The following CCNH variants were observed in gnomAD, a reference collection of about 807,000 sequenced individuals.
The protein encoded by CCNH is cyclin H.
Under a neutral mutation model 41.9 loss-of-function variants are expected in CCNH, and 31 were observed. The ratio of observed to expected loss-of-function variants is 0.74; its 90% CI spans 0.56 to 1.00. The LOEUF is 1.00. CCNH is among the 50% of genes least tolerant of loss of function. The pLI is 0.00. For synonymous variants in CCNH, 138 were observed against 136.1 expected (o/e 1.01, Z -0.10); for missense variants, 362 against 388.4 (o/e 0.93, Z 0.57).
At chr5:87,358,413 G>A (rs1385140449) in intron 9 of CCNH, among the ~76,000 whole-genome samples, 2 of 152,202 alleles carry the variant, frequency 1.3e-5, no homozygotes, top group African/African-American at 2.4e-5. Flanking sequence ...ACTGAGAGCT[G>A]AGAGGTTAAT....
chr5:87,400,584 G>A (rs904586657), intron 6 of CCNH, among the ~76,000 whole-genome samples: 1 of 151,782 alleles, frequency 6.6e-6, no homozygotes, highest in African/African-American at 2.4e-5. Flanking sequence ...ATTCTCAAAG[G>A]AAGCCCTCAG....
At chr5:87,404,756 G>C in intron 5 of CCNH, 88 bp downstream of exon 5, 1 of 1,052,318 alleles carries the variant, frequency 9.5e-7, no homozygotes, top group East Asian at 2.8e-5. Flanking sequence ...CAGCCACAAA[G>C]AATATTAAAG....
intron 9 of CCNH, among the ~76,000 whole-genome samples, chr5:87,327,517 G>A (rs546573592): frequency 1.3e-5 from 2 of 152,308 alleles, no homozygotes; most frequent in Admixed American, 1.3e-4. Context: ...GTTTAGGGTG[G>A]CATTGCCATA....
At chr5:87,349,795 C>T (rs767443452) in intron 9 of CCNH, among the ~76,000 whole-genome samples, 2 of 151,878 alleles carry the variant, frequency 1.3e-5, no homozygotes, top group Admixed American at 6.6e-5. Context: ...CTCAAGTTGA[C>T]ATTTCTTACA....
In CCNH at chr5:87,395,115, G is replaced by C. The variant is rs1249282559; in HGVS notation, c.873-11C>G. ...CCTTTCCTCTTCTTCCTATAATTAA[G>C]CAACTATCAATAAGCAATCCAATAC... On this transcript the variant is annotated splice_polypyrimidine_tract_variant and intron_variant, in intron 7 of 8. Transcript: ENST00000256897. 1.2e-6 allele frequency: 2 copies of C among 1,606,466 alleles called. No homozygotes were observed. Among genetic ancestry groups the C allele is most frequent in the Admixed American group, 1.7e-5 (1 of 59,256 alleles).
At position 87,353,033 on chromosome 5, in the gene CCNH, T is replaced by C. The variant is rs1580334317; in HGVS notation, c.*91-34136A>G. On this transcript the variant is annotated intron_variant and NMD_transcript_variant, in intron 9 of 9. Coordinates refer to the CCNH transcript ENST00000645953. Reference sequence around the variant, plus strand: ...TGATCATTTATTCTATTAATGTATTTGTGTTATGTGCTTTGAAAAAAATTT... The same window carrying C: ...TGATCATTTATTCTATTAATGTATTCGTGTTATGTGCTTTGAAAAAAATTT... 2.0e-5 allele frequency: 14 copies of C among 683,894 alleles called. No individual in the cohort carries two copies. In the East Asian group the frequency reaches 3.8e-4, roughly 19 times the overall value. 42.4% of individuals were successfully genotyped at this position (683,894 alleles called of 1,614,324 possible).
upstream of CCNH, among the ~76,000 whole-genome samples, chr5:87,380,306 T>C (rs1042767861): frequency 3.9e-5 from 6 of 152,178 alleles, no homozygotes; most frequent in Non-Finnish European, 8.8e-5. Flanking sequence ...GGAAGTTGAC[T>C]GAATAAATTG....
At chr5:87,401,464 A>C (rs774516916) in intron 6 of CCNH, among the ~76,000 whole-genome samples, 3 of 152,234 alleles carry the variant, frequency 2.0e-5, no homozygotes, top group Admixed American at 6.5e-5. Context: ...AATCCTTTCT[A>C]AATCTGACTC....
downstream of CCNH, among the ~76,000 whole-genome samples, chr5:87,314,031 TG>T (rs545569397): frequency 3.0e-4 from 45 of 152,084 alleles, 1 homozygote; most frequent in South Asian, 9.3e-3. Flanking sequence ...GAGCCAGGCG[TG>T]GTGGCACATG....
intron 7 of CCNH, among the ~76,000 whole-genome samples, chr5:87,397,130 G>T (rs3093840): frequency 6.6e-6 from 1 of 151,936 alleles, no homozygotes; most frequent in Non-Finnish European, 1.5e-5. Flanking sequence ...AGTTTGCAGT[G>T]AGTTAAGTAC....
chr5:87,383,624 A>G (rs1051823366), intron 9 of CCNH: 3 of 1,022,494 alleles, frequency 2.9e-6, no homozygotes, highest in East Asian at 2.6e-5. Context: ...TATGAGTACT[A>G]AAAATTCTGT....
chr5:87,375,759 A>G (rs796925730), downstream of CCNH, among the ~76,000 whole-genome samples: 1 of 152,178 alleles, frequency 6.6e-6, no homozygotes, highest in South Asian at 2.1e-4. Context: ...AATTAGGTTA[A>G]TACCTTCTTA....
chr5:87,349,369 A>G lies in CCNH; in HGVS notation c.*91-30472T>C. The G allele has an allele frequency of 1.2e-6, 2 of 1,611,102 alleles. No homozygotes were observed. The highest frequency in any genetic ancestry group is 1.7e-6 in the Non-Finnish European group (2 of 1,178,056). On this transcript the variant is annotated intron_variant and NMD_transcript_variant, in intron 9 of 9. Transcript: ENST00000645953. Reference sequence around the variant, plus strand: ...GGGAGGCCGGTATTATAACAGGTAAATCATAATTTTTTAGCTATCTTTTAC... The same window carrying G: ...GGGAGGCCGGTATTATAACAGGTAAGTCATAATTTTTTAGCTATCTTTTAC...
At chr5:87,332,228 G>T (rs1757658692) in intron 9 of CCNH, among the ~76,000 whole-genome samples, 1 of 151,448 alleles carries the variant, frequency 6.6e-6, no homozygotes. Flanking sequence ...GTGAGAAGAG[G>T]TATCTGAGGG....
intron 9 of CCNH, among the ~76,000 whole-genome samples, chr5:87,349,682 A>T (rs1263441500): frequency 2.6e-5 from 4 of 151,930 alleles, no homozygotes; most frequent in Admixed American, 2.0e-4. Context: ...AAAAGAAAAT[A>T]TATCAACATT....
chr5:87,325,518 ACTTC>A (rs1757167891), intron 9 of CCNH, among the ~76,000 whole-genome samples: 1 of 152,230 alleles, frequency 6.6e-6, no homozygotes, highest in Non-Finnish European at 1.5e-5. Flanking sequence ...TTGTAGAATA[ACTTC>A]AGAAGTTTGT....
At chr5:87,328,690 C>T (rs1218318325) in intron 9 of CCNH, among the ~76,000 whole-genome samples, 1 of 152,098 alleles carries the variant, frequency 6.6e-6, no homozygotes, top group South Asian at 2.1e-4. Context: ...ATATGATTCT[C>T]TATGCAGGAC....
At chr5:87,312,914 A>G in the CCNH span, among the ~76,000 whole-genome samples, 2 of 152,262 alleles carry the variant, frequency 1.3e-5, no homozygotes, top group African/African-American at 4.8e-5. Flanking sequence ...TACTTGGTTC[A>G]GGTGTTTATC....
downstream of CCNH, chr5:87,386,910 A>G (rs1006540734): frequency 2.5e-6 from 4 of 1,607,594 alleles, no homozygotes; most frequent in Non-Finnish European, 3.4e-6. Context: ...TGGGGTATGT[A>G]TATAGTTTTC....
Sources: gnomAD v4.1 joint callset for allele counts (sites outside exome capture counted in the v4.1 genomes callset) on GRCh38, gnomAD v4.1.1 for gene constraint, MANE v1.5 for transcripts, NCBI Gene and HGNC (gene_info 2026-07-23, HGNC 2026-07-21) for gene names.